The following ARID2 variants were observed in gnomAD, a reference collection of about 807,000 sequenced individuals.
ARID2 encodes AT-rich interactive domain-containing protein 2.
A neutral mutation model predicts 184.6 loss-of-function variants in ARID2; 32 were observed. The ratio of observed to expected loss-of-function variants is 0.17; its 90% CI spans 0.13 to 0.23. ARID2 has a LOEUF of 0.23. ARID2 is among the 10% of genes least tolerant of loss of function. The pLI is 1.00. For synonymous variants in ARID2, 836 were observed against 772.6 expected (o/e 1.08, Z -1.36); for missense variants, 1,696 against 2,197.6 (o/e 0.77, Z 4.56).
chr12:45,868,699 G>A (rs1943869274), intron 16 of ARID2, among the ~76,000 whole-genome samples: 1 of 152,082 alleles, frequency 6.6e-6, no homozygotes, highest in Admixed American at 6.5e-5. Context: ...TTTCCAAATG[G>A]CTAACTTATT....
chr12:45,838,037 T>C (rs1943253071), intron 10 of ARID2, among the ~76,000 whole-genome samples: 1 of 152,226 alleles, frequency 6.6e-6, no homozygotes, highest in Non-Finnish European at 1.5e-5. Context: ...TGGCTATCAG[T>C]AATTCCTATT....
chr12:45,755,908 CT>C (rs1941561176), intron 3 of ARID2: 1 of 168,234 alleles, frequency 5.9e-6, no homozygotes, highest in Non-Finnish European at 1.5e-5. Context: ...CTTTAGAATA[CT>C]TTTTGTTTTT....
intron 3 of ARID2, among the ~76,000 whole-genome samples, chr12:45,787,248 C>T (rs1422499708): frequency 6.7e-6 from 1 of 150,278 alleles, no homozygotes; most frequent in Non-Finnish European, 1.5e-5. Flanking sequence ...GACAGGGTCT[C>T]CCTCTGTCAC....
chr12:45,882,426 T>C (rs1944121316), intron 16 of ARID2, among the ~76,000 whole-genome samples: 1 of 152,238 alleles, frequency 6.6e-6, no homozygotes, highest in Non-Finnish European at 1.5e-5. Flanking sequence ...AACTTCACTA[T>C]ATTTTGCAAG....
At chr12:45,756,401 T>C (rs141107028) in intron 3 of ARID2, among the ~76,000 whole-genome samples, 14 of 152,338 alleles carry the variant, frequency 9.2e-5, no homozygotes, top group East Asian at 1.9e-4. Flanking sequence ...ATTTTAACAT[T>C]AAGCTGATTT....
At chr12:45,887,970 CG>C (rs1944223604) in intron 16 of ARID2, among the ~76,000 whole-genome samples, 1 of 152,074 alleles carries the variant, frequency 6.6e-6, no homozygotes. Flanking sequence ...GCTAGGCGGG[CG>C]GATCACGAGG....
chr12:45,746,603 CATTT>C, intron 3 of ARID2, among the ~76,000 whole-genome samples: 1 of 152,142 alleles, frequency 6.6e-6, no homozygotes, highest in African/African-American at 2.4e-5. Flanking sequence ...TTTTAGCTAA[CATTT>C]ATTTAATTTG....
At chr12:45,871,616 A>G (rs1266149155) in intron 16 of ARID2, among the ~76,000 whole-genome samples, 1 of 152,208 alleles carries the variant, frequency 6.6e-6, no homozygotes, top group Non-Finnish European at 1.5e-5. Flanking sequence ...TGCTGTCCTC[A>G]TAGAATAAGT....
chr12:45,881,925 GA>G, intron 16 of ARID2: 1 of 190,662 alleles, frequency 5.2e-6, no homozygotes, highest in Non-Finnish European at 1.1e-5. Context: ...GAACATGCCA[GA>G]GGTCACTTCT....
intron 3 of ARID2, among the ~76,000 whole-genome samples, chr12:45,780,578 A>C (rs1305293548): frequency 2.6e-5 from 4 of 152,144 alleles, no homozygotes; most frequent in African/African-American, 7.2e-5. Context: ...TAAACAGCAG[A>C]GTACATTTAC....
In ARID2 at chr12:45,834,295, T is replaced by C. The variant is rs928496132; in HGVS notation, c.706-2294T>C. 2.6e-5 allele frequency among the ~76,000 whole-genome samples: 4 copies of C among 152,120 alleles called. No homozygotes were observed. In the East Asian group the frequency reaches 7.7e-4, roughly 29 times the overall value. ...TTTCTACCCCATGACTTTTTGAAAG[T>C]GTTTTAATTTGGCTTAACCACAGTT... On this transcript the variant is annotated intron_variant, in intron 6 of 20. Transcript: ENST00000334344.
At chr12:45,790,231 T>A (rs1942270862) in intron 3 of ARID2, among the ~76,000 whole-genome samples, 1 of 152,188 alleles carries the variant, frequency 6.6e-6, no homozygotes, top group Admixed American at 6.5e-5. Context: ...TCATCTTTTT[T>A]ATATGATGCT....
chr12:45,897,586 A>G (rs1436909322), intron 20 of ARID2, among the ~76,000 whole-genome samples: 1 of 152,194 alleles, frequency 6.6e-6, no homozygotes, highest in Non-Finnish European at 1.5e-5. Context: ...TACCTGTTTC[A>G]TTCAGCAGTC....
At chr12:45,881,615 G>A in intron 16 of ARID2, 1 of 157,726 alleles carries the variant, frequency 6.3e-6, no homozygotes. Context: ...GGCTTGGGGT[G>A]TGGCCTAGGA....
At chr12:45,853,811 T>C (rs1336528400) in intron 15 of ARID2, among the ~76,000 whole-genome samples, 1 of 152,238 alleles carries the variant, frequency 6.6e-6, no homozygotes, top group Non-Finnish European at 1.5e-5. Flanking sequence ...ATGGCTATTG[T>C]TGGCATTAGT....
intron 12 of ARID2, among the ~76,000 whole-genome samples, chr12:45,847,444 A>G (rs551802630): frequency 6.6e-6 from 1 of 152,206 alleles, no homozygotes; most frequent in African/African-American, 2.4e-5. Context: ...AGAAATAAGC[A>G]GCTTGACAAT....
chr12:45,797,818 A>G (rs1326383627), intron 3 of ARID2, among the ~76,000 whole-genome samples: 1 of 151,998 alleles, frequency 6.6e-6, no homozygotes, highest in Non-Finnish European at 1.5e-5. Flanking sequence ...AGCTTTTTAT[A>G]TCAGAGAATT....
intron 20 of ARID2, among the ~76,000 whole-genome samples, chr12:45,900,002 ATAT>A (rs1944436795): frequency 6.6e-6 from 1 of 151,776 alleles, no homozygotes; most frequent in African/African-American, 2.4e-5. Context: ...CTTAAATCAG[ATAT>A]TGTTGGATTG....
intron 10 of ARID2, 41 bp from the exon 11 acceptor site, chr12:45,839,288 A>G: frequency 6.6e-7 from 1 of 1,526,598 alleles, no homozygotes; most frequent in Non-Finnish European, 8.9e-7. Context: ...ATTCATTTAT[A>G]ATATTATTGA....
Sources: gnomAD v4.1 joint callset for allele counts (sites outside exome capture counted in the v4.1 genomes callset) on GRCh38, gnomAD v4.1.1 for gene constraint, MANE v1.5 for transcripts, NCBI Gene and HGNC (gene_info 2026-07-23, HGNC 2026-07-21) for gene names.